The following ALK variants were observed in gnomAD, a reference collection of about 807,000 sequenced individuals.
ALK encodes ALK tyrosine kinase receptor.
Under a neutral mutation model 163.1 loss-of-function variants are expected in ALK, and 74 were observed. The ratio of observed to expected loss-of-function variants is 0.45; its 90% CI spans 0.38 to 0.55. ALK has a LOEUF of 0.55. Among genes scored for constraint, ALK ranks in the 20% least tolerant of loss-of-function variants. The pLI is 0.00. For missense variants in ALK, 2,063 were observed against 2,105.3 expected, an observed-to-expected ratio of 0.98 and a Z score of 0.39; for synonymous variants, 960 against 843.2, an observed-to-expected ratio of 1.14 and a Z score of -2.40.
At chr2:29,777,694 T>C (rs188755899) in intron 1 of ALK, among the ~76,000 whole-genome samples, 1 of 152,328 alleles carries the variant, frequency 6.6e-6, no homozygotes, top group East Asian at 1.9e-4. Flanking sequence ...CACCTGAGAA[T>C]CTTGTTCAAA....
At chr2:29,291,708 T>A (rs1290531661) in intron 9 of ALK, among the ~76,000 whole-genome samples, 1 of 152,224 alleles carries the variant, frequency 6.6e-6, no homozygotes, top group Non-Finnish European at 1.5e-5. Context: ...GTGATTCAAT[T>A]AACAGAAATG....
intron 3 of ALK, among the ~76,000 whole-genome samples, chr2:29,694,168 C>T (rs1342319455): frequency 6.6e-6 from 1 of 152,198 alleles, no homozygotes; most frequent in Non-Finnish European, 1.5e-5. Context: ...AGAAACTCAG[C>T]ACAATTTAAC....
chr2:29,611,217 T>C (rs1030557646), intron 3 of ALK, among the ~76,000 whole-genome samples: 1 of 152,100 alleles, frequency 6.6e-6, no homozygotes, highest in Non-Finnish European at 1.5e-5. Flanking sequence ...GCCAGAGTGA[T>C]AGGCATTATT....
chr2:29,197,303 T>C (rs1252852832), intron 27 of ALK, among the ~76,000 whole-genome samples: 1 of 152,030 alleles, frequency 6.6e-6, no homozygotes, highest in African/African-American at 2.4e-5. Context: ...GTAGGCCTGG[T>C]GAGTCCACAG....
intron 1 of ALK, among the ~76,000 whole-genome samples, chr2:29,827,593 G>A (rs146374706): frequency 2.8e-4 from 42 of 152,298 alleles, no homozygotes; most frequent in Middle Eastern, 3.4e-3. Context: ...AACCCTATGT[G>A]AGGTGATTTA....
chr2:29,636,399 G>A (rs182122604), intron 3 of ALK, among the ~76,000 whole-genome samples: 6 of 151,644 alleles, frequency 4.0e-5, no homozygotes, highest in African/African-American at 1.5e-4. Context: ...AAGAAAAATG[G>A]AGAAGAAACA....
At chr2:29,528,354 A>G (rs1193657480) in intron 4 of ALK, among the ~76,000 whole-genome samples, 1 of 152,206 alleles carries the variant, frequency 6.6e-6, no homozygotes, top group Non-Finnish European at 1.5e-5. Flanking sequence ...GACCAATTTT[A>G]CACAGACAAT....
chr2:29,876,603 G>A (rs1666720440), intron 1 of ALK, among the ~76,000 whole-genome samples: 1 of 151,740 alleles, frequency 6.6e-6, no homozygotes. Flanking sequence ...TGGTAATGGT[G>A]ATGGCAATAA....
rs2256376 is a variant in ALK, at chr2:29,695,074, C to G, written c.788-60G>C. The G allele has an allele frequency of 0.78, 1,244,120 of 1,603,358 alleles. 494,658 individuals are homozygous for G. The highest frequency in any genetic ancestry group is 0.81 in the Non-Finnish European group (954,392 of 1,173,004). ...ATTTCCCAAACGTGACTTTTCAGCCCCCTCCACTCCACACTAGGAGGTTGG... is the reference window on the plus strand; with the variant it reads ...ATTTCCCAAACGTGACTTTTCAGCCGCCTCCACTCCACACTAGGAGGTTGG... On this transcript the variant is annotated intron_variant, in intron 2 of 28. Transcript: ENST00000389048.
At chr2:29,202,803 G>T (rs1269425174) in intron 26 of ALK, among the ~76,000 whole-genome samples, 1 of 152,160 alleles carries the variant, frequency 6.6e-6, no homozygotes, top group Non-Finnish European at 1.5e-5. Context: ...GGGGTAGTTG[G>T]GTTGGGTTTT....
In ALK at chr2:29,438,048, C is replaced by A. The variant is rs1670446764; in HGVS notation, c.1155-54189G>T. The stretch of plus-strand genomic sequence containing the variant: ...TTGAAGGCTATTCTCCCAGATTCCA[C>A]CTGACCTTCAGAGGGCTGCCTTTAG... On this transcript the variant is annotated intron_variant, in intron 4 of 28. Transcript: ENST00000389048. Among the ~76,000 whole-genome samples the A allele has an allele frequency of 2.0e-5, 3 of 151,368 alleles. 1 individual carries two copies. The South Asian group carries it at 6.2e-4, about 32-fold the overall frequency.
chr2:29,245,795 A>T (rs1486841592), intron 12 of ALK, among the ~76,000 whole-genome samples: 1 of 148,856 alleles, frequency 6.7e-6, no homozygotes, highest in African/African-American at 2.5e-5. Context: ...TCCATAGCTC[A>T]GTGCCCTGCA....
chr2:29,860,221 G>A (rs1331810088), intron 1 of ALK, among the ~76,000 whole-genome samples: 1 of 152,096 alleles, frequency 6.6e-6, no homozygotes, highest in Admixed American at 6.5e-5. Context: ...TCACAGGTAT[G>A]GGATTATTGG....
chr2:29,616,380 A>C (rs559259305), intron 3 of ALK, among the ~76,000 whole-genome samples: 1 of 152,348 alleles, frequency 6.6e-6, no homozygotes, highest in South Asian at 2.1e-4. Flanking sequence ...ACAAACCCTC[A>C]AATTCCCTAT....
chr2:29,669,461 C>T (rs770252573), intron 3 of ALK, among the ~76,000 whole-genome samples: 1 of 151,952 alleles, frequency 6.6e-6, no homozygotes, highest in African/African-American at 2.4e-5. Context: ...TCTTTTTTCA[C>T]CCCTTCACTT....
rs537117781 is a variant in ALK, at chr2:29,523,850, A to C, written c.1154+8065T>G. On this transcript the variant is annotated intron_variant, in intron 4 of 28. Transcript: ENST00000389048. ...AATCTCGAAGGTCAGAACTGGCAGA[A>C]GCTGAAGGTTTTTTTTTTTTTTTTT... Among the ~76,000 whole-genome samples, 220 of 137,874 alleles carry C rather than the reference A, an allele frequency of 1.6e-3. 3 individuals are homozygous for C. The East Asian group carries it at 0.017, about 11-fold the overall frequency. The allele number at this position is 137,874 out of a possible 152,430, so 90.5% of individuals were successfully genotyped here. A position where few individuals can be genotyped will look rare whatever the true frequency, so the allele number is the denominator to read the frequency against.
intron 4 of ALK, among the ~76,000 whole-genome samples, chr2:29,440,322 T>TTTC (rs1670507402): frequency 1.7e-4 from 2 of 11,658 alleles, no homozygotes; most frequent in Non-Finnish European, 4.1e-4. Context: ...GAATCAATTT[T>TTTC]TTTTTTTTTT....
chr2:29,209,106 A>T (rs542762186), intron 25 of ALK, among the ~76,000 whole-genome samples: 80 of 145,604 alleles, frequency 5.5e-4, no homozygotes, highest in Non-Finnish European at 1.0e-3. Context: ...AGCCATAGCC[A>T]CTTAGAATTC....
chr2:29,621,985 T>C (rs1341197907), intron 3 of ALK, among the ~76,000 whole-genome samples: 1 of 152,080 alleles, frequency 6.6e-6, no homozygotes, highest in African/African-American at 2.4e-5. Context: ...TTGAAGACCA[T>C]CTTTGCCCAC....
Sources: allele counts gnomAD v4.1 joint callset (sites outside exome capture counted in the v4.1 genomes callset), GRCh38; gene constraint gnomAD v4.1.1; transcripts MANE v1.5; gene names NCBI Gene and HGNC (gene_info 2026-07-23, HGNC 2026-07-21).